Variants in PTPRD observed in about 807,000 individuals in gnomAD.
PTPRD encodes the protein receptor-type tyrosine-protein phosphatase delta.
Under a neutral mutation model 214.5 loss-of-function variants are expected in PTPRD, and 34 were observed. The observed-to-expected ratio is 0.16, with a 90% CI of 0.12 to 0.21. The LOEUF is 0.21. Ranked by LOEUF, PTPRD falls within the 10% of genes least tolerant of loss-of-function variation. The pLI, the probability that PTPRD is intolerant of heterozygous loss-of-function variation, is 1.00. For synonymous variants in PTPRD, 1,128 were observed against 845.7 expected (o/e 1.33, Z -5.79); for missense variants, 2,545 against 2,398.7 (o/e 1.06, Z -1.27).
chr9:9,358,086 C>T (rs1225630646), intron 9 of PTPRD, among the ~76,000 whole-genome samples: 3 of 151,122 alleles, frequency 2.0e-5, no homozygotes, highest in African/African-American at 7.3e-5. Context: ...GAAATTAAAT[C>T]ACATTTCTGA....
intron 2 of PTPRD, among the ~76,000 whole-genome samples, chr9:10,377,094 C>T (rs561023917): frequency 6.6e-6 from 1 of 151,994 alleles, no homozygotes; most frequent in African/African-American, 2.4e-5. Flanking sequence ...CTTCTACTAT[C>T]CATGGCTGTA....
At chr9:8,514,302 T>C (rs2097742585) in intron 21 of PTPRD, among the ~76,000 whole-genome samples, 1 of 152,158 alleles carries the variant, frequency 6.6e-6, no homozygotes, top group Admixed American at 6.5e-5. Context: ...AGATTCACAT[T>C]TTGGTTGGAT....
At chr9:8,434,800 C>T (rs1192599303) in intron 35 of PTPRD, among the ~76,000 whole-genome samples, 1 of 151,826 alleles carries the variant, frequency 6.6e-6, no homozygotes, top group East Asian at 1.9e-4. Flanking sequence ...TTATGATTTG[C>T]CTTATTTTCT....
chr9:9,404,720 G>A (rs954858573), intron 8 of PTPRD, among the ~76,000 whole-genome samples: 2 of 152,026 alleles, frequency 1.3e-5, no homozygotes, highest in East Asian at 1.9e-4. Context: ...GATAAACATT[G>A]AGAATCATTA....
intron 11 of PTPRD, among the ~76,000 whole-genome samples, chr9:8,999,485 A>G (rs1361683972): frequency 6.6e-6 from 1 of 152,088 alleles, no homozygotes; most frequent in Admixed American, 6.6e-5. Context: ...TTTTAAGACA[A>G]TGCTATCAAA....
chr9:8,503,537 T>A (rs1331946018), intron 23 of PTPRD, among the ~76,000 whole-genome samples: 2 of 152,224 alleles, frequency 1.3e-5, no homozygotes, highest in African/African-American at 4.8e-5. Flanking sequence ...AAATCCTGTA[T>A]AATACTTTAT....
At chr9:9,225,228 A>AT (rs558877752) in intron 9 of PTPRD, among the ~76,000 whole-genome samples, 1 of 152,068 alleles carries the variant, frequency 6.6e-6, no homozygotes, top group East Asian at 1.9e-4. Context: ...AGAGAAAAAA[A>AT]TTTTTTTAAA....
At chr9:8,503,542 C>T (rs2097465531) in intron 23 of PTPRD, among the ~76,000 whole-genome samples, 1 of 152,090 alleles carries the variant, frequency 6.6e-6, no homozygotes, top group Non-Finnish European at 1.5e-5. Flanking sequence ...CTGTATAATA[C>T]TTTATGCAAA....
At chr9:9,004,863 A>C (rs774875609) in intron 11 of PTPRD, among the ~76,000 whole-genome samples, 7 of 152,048 alleles carry the variant, frequency 4.6e-5, no homozygotes, top group Non-Finnish European at 1.0e-4. Flanking sequence ...AACAAACAAA[A>C]CAAAACAAAA....
chr9:10,536,900 A>G (rs898938377), intron 2 of PTPRD, among the ~76,000 whole-genome samples: 1 of 152,130 alleles, frequency 6.6e-6, no homozygotes, highest in Non-Finnish European at 1.5e-5. Context: ...CTTTATTTCC[A>G]GCTATTAGAG....
chr9:10,489,051 C>A (rs993949656), intron 2 of PTPRD, among the ~76,000 whole-genome samples: 30 of 152,218 alleles, frequency 2.0e-4, no homozygotes, highest in African/African-American at 7.0e-4. Context: ...GACACCACAG[C>A]TGGGAACGTG....
chr9:10,230,444 C>CTATG (rs1460357785), intron 3 of PTPRD, among the ~76,000 whole-genome samples: 99 of 122,340 alleles, frequency 8.1e-4, no homozygotes, highest in African/African-American at 1.9e-3. Flanking sequence ...ATGTATCTAT[C>CTATG]TATCTATCTA....
chr9:9,071,305 G>A (rs1028999652), intron 10 of PTPRD, among the ~76,000 whole-genome samples: 1 of 152,148 alleles, frequency 6.6e-6, no homozygotes, highest in Non-Finnish European at 1.5e-5. Context: ...ATATGGCAAA[G>A]GTGAAGGGCT....
intron 11 of PTPRD, among the ~76,000 whole-genome samples, chr9:8,772,962 G>A (rs1245081196): frequency 6.6e-6 from 1 of 151,996 alleles, no homozygotes; most frequent in Non-Finnish European, 1.5e-5. Flanking sequence ...CTCAGCTTAG[G>A]GTTTAACCTA....
At chr9:8,905,823 A>T (rs1566933675) in intron 11 of PTPRD, among the ~76,000 whole-genome samples, 1 of 152,002 alleles carries the variant, frequency 6.6e-6, no homozygotes, top group South Asian at 2.1e-4. Context: ...ATTTGTCTTG[A>T]CACAGGATAT....
intron 5 of PTPRD, among the ~76,000 whole-genome samples, chr9:9,867,259 C>G (rs751489563): frequency 2.0e-5 from 3 of 152,152 alleles, no homozygotes; most frequent in East Asian, 3.9e-4. Flanking sequence ...CTCAAAGATA[C>G]GATTCATTCT....
intron 5 of PTPRD, among the ~76,000 whole-genome samples, chr9:9,824,309 T>C (rs2051895991): frequency 6.6e-6 from 1 of 152,024 alleles, no homozygotes; most frequent in African/African-American, 2.4e-5. Flanking sequence ...TCTTCATTAC[T>C]TATGACTGAA....
intron 5 of PTPRD, among the ~76,000 whole-genome samples, chr9:9,825,293 A>G (rs1272261834): frequency 1.3e-5 from 2 of 151,852 alleles, no homozygotes; most frequent in Non-Finnish European, 2.9e-5. Context: ...ATTTAAATAT[A>G]CATTGGCAGG....
intron 7 of PTPRD, among the ~76,000 whole-genome samples, chr9:9,588,458 G>T (rs556749794): frequency 6.6e-6 from 1 of 152,072 alleles, no homozygotes; most frequent in East Asian, 1.9e-4. Context: ...GGTAATGAAA[G>T]TCATAGCCAC....
Sources: gnomAD v4.1 joint callset for allele counts (sites outside exome capture counted in the v4.1 genomes callset) on GRCh38, gnomAD v4.1.1 for gene constraint, MANE v1.5 for transcripts, NCBI Gene and HGNC (gene_info 2026-07-23, HGNC 2026-07-21) for gene names.